The following TAOK3 variants were observed in gnomAD, a reference collection of about 807,000 sequenced individuals.
TAOK3 encodes the protein serine/threonine-protein kinase TAO3.
In TAOK3, 40 loss-of-function variants were observed where a neutral mutation model predicts 120.4. The observed-to-expected ratio is 0.33, with a 90% CI of 0.26 to 0.43. The LOEUF is 0.43. TAOK3 is among the 20% of genes least tolerant of loss of function. The pLI, the probability that TAOK3 is intolerant of heterozygous loss-of-function variation, is 1.00. For synonymous variants in TAOK3, 355 were observed against 387.5 expected (o/e 0.92, Z 0.99); for missense variants, 821 against 1,112.1 (o/e 0.74, Z 3.72).
At chr12:118,180,947 C>T (rs988433483) in intron 15 of TAOK3, among the ~76,000 whole-genome samples, 4 of 151,672 alleles carry the variant, frequency 2.6e-5, no homozygotes, top group African/African-American at 9.7e-5. Context: ...CAGGTTCAAG[C>T]AATTCTCCTG....
intron 1 of TAOK3, among the ~76,000 whole-genome samples, chr12:118,298,470 C>T (rs1464268788): frequency 6.6e-6 from 1 of 152,118 alleles, no homozygotes; most frequent in African/African-American, 2.4e-5. Flanking sequence ...TTGTCAAGAT[C>T]ACAAATAAAC....
chr12:118,243,297 A>T, intron 5 of TAOK3, 118 bp downstream of exon 5: 1 of 616,186 alleles, frequency 1.6e-6, no homozygotes, highest in Non-Finnish European at 2.8e-6. Context: ...AATACTGATA[A>T]CAAAAGTTAA....
At chr12:118,304,577 T>C (rs1406968998) in intron 1 of TAOK3, among the ~76,000 whole-genome samples, 1 of 152,206 alleles carries the variant, frequency 6.6e-6, no homozygotes, top group Non-Finnish European at 1.5e-5. Flanking sequence ...TTTGCATGGT[T>C]ACAATGTTCT....
intron 3 of TAOK3, among the ~76,000 whole-genome samples, chr12:118,249,136 C>T (rs960148305): frequency 1.3e-5 from 2 of 152,118 alleles, no homozygotes; most frequent in East Asian, 3.8e-4. Context: ...TCTCAATGGT[C>T]TCAGTAACTA....
chr12:118,194,968 C>T (rs1036670165), intron 13 of TAOK3, among the ~76,000 whole-genome samples: 18 of 152,082 alleles, frequency 1.2e-4, no homozygotes, highest in Non-Finnish European at 5.9e-5. Context: ...AGGCTCGTCT[C>T]GAACTCCTGA....
intron 1 of TAOK3, among the ~76,000 whole-genome samples, chr12:118,266,989 T>C (rs1056480408): frequency 6.6e-6 from 1 of 152,212 alleles, no homozygotes; most frequent in Non-Finnish European, 1.5e-5. Flanking sequence ...TTTAAGAATC[T>C]ATACTGAAGC....
intron 9 of TAOK3, among the ~76,000 whole-genome samples, chr12:118,230,960 C>T (rs1382819551): frequency 6.6e-6 from 1 of 152,060 alleles, no homozygotes; most frequent in Non-Finnish European, 1.5e-5. Flanking sequence ...TCCATCAATA[C>T]AAGACCAGTT....
chr12:118,161,841 C>G lies in TAOK3; in HGVS notation c.2086G>C (p.Glu696Gln). 6.2e-7 allele frequency: 1 copy of G among 1,614,190 alleles called. No homozygotes were observed. The highest frequency in any genetic ancestry group is 8.5e-7 in the Non-Finnish European group (1 of 1,180,044). The stretch of plus-strand genomic sequence containing the variant: ...TCCATGACATGCTTTCTGTGCAGTT[C>G]TCTTTCTCGCCTCTTATTGTACTCC... ...QLEYNKRRER[E>Q]LHRKHVMELR... The change falls in exon 18 of 21, where the codon GAA becomes CAA. Residue 696 changes from glutamate (E) to glutamine (Q), a missense_variant. Physicochemically the swap from Glu to Gln is conservative, Grantham distance 29. This residue lies in a region of TAOK3 where 354 missense variants were observed against 572.1 expected (regional missense o/e 0.62). Coordinates refer to ENST00000392533, the MANE Select transcript of TAOK3 (RefSeq NM_016281.4). This position sits in a 1 kb window ranked among gnomAD's most constrained non-coding sequence, Gnocchi z 4.5.
At chr12:118,217,523 TA>T (rs2038967092) in intron 9 of TAOK3, among the ~76,000 whole-genome samples, 1 of 151,394 alleles carries the variant, frequency 6.6e-6, no homozygotes, top group Admixed American at 6.6e-5. Flanking sequence ...CTGTCTCTAC[TA>T]AAAATACAAA....
rs2045909044 is a variant in TAOK3 at position 118,371,942 on chromosome 12, G to A, written c.-194+706C>T. Among the ~76,000 whole-genome samples, 1 of 145,322 alleles carries A rather than the reference G, an allele frequency of 6.9e-6. No individual in the cohort carries two copies. Among genetic ancestry groups the A allele is most frequent in the South Asian group, 2.3e-4 (1 of 4,444 alleles). Reference sequence around the variant, plus strand: ...TCTCGGGGTCACCCTGCTCCCACCCGCTGTCCCGGCCTCTCTCTAGGTGTC... The same window carrying A: ...TCTCGGGGTCACCCTGCTCCCACCCACTGTCCCGGCCTCTCTCTAGGTGTC... On this transcript the variant is annotated intron_variant, in intron 1 of 20. Coordinates refer to ENST00000392533, the MANE Select transcript of TAOK3 (RefSeq NM_016281.4). This position sits in a 1 kb window ranked among gnomAD's most constrained non-coding sequence, Gnocchi z 5.5.
At chr12:118,353,936 A>C (rs2045288335) in intron 1 of TAOK3, among the ~76,000 whole-genome samples, 1 of 152,174 alleles carries the variant, frequency 6.6e-6, no homozygotes, top group Non-Finnish European at 1.5e-5. Flanking sequence ...GTGTCCCCTA[A>C]ATTTCACATC....
Position 118,345,993 on chromosome 12 carries a change from A to G in TAOK3, c.-194+26655T>C, listed in dbSNP as rs938898267. Among the ~76,000 whole-genome samples the G allele has an allele frequency of 3.3e-5, 5 of 152,202 alleles. No homozygotes were observed. The South Asian group carries it at 1.0e-3, about 31-fold the overall frequency. ...GAAATAAAGCAGCATAGAAAACAAT[A>G]TATGTACTATAACTGTCCTAATTAC... On this transcript the variant is annotated intron_variant, in intron 1 of 20. Transcript: ENST00000392533.
In TAOK3 at chr12:118,199,063, G is replaced by T. The variant is rs143269480; in HGVS notation, c.1182C>A (p.Val394=). The T allele has an allele frequency of 1.2e-6, 2 of 1,614,118 alleles. No homozygotes were observed. The highest frequency in any genetic ancestry group is 2.2e-5 in the South Asian group (2 of 91,048). Reference sequence around the variant, plus strand: ...CCAAGAAACCTACTTTCTTATGCACGACGGAGGAGCTGGAATTGATTGTGC... The same window carrying T: ...CCAAGAAACCTACTTTCTTATGCACTACGGAGGAGCTGGAATTGATTGTGC... ...DESTINSSSS[V]VHKKDHVFIR... is the part of the protein sequence containing the mutation. Residue 394 remains valine, a synonymous_variant, in exon 13 of 21, where the codon GTC becomes GTA. Coordinates refer to ENST00000392533, the MANE Select transcript of TAOK3 (RefSeq NM_016281.4).
chr12:118,263,010 G>T (rs1026324474), intron 2 of TAOK3, among the ~76,000 whole-genome samples: 3 of 152,050 alleles, frequency 2.0e-5, no homozygotes, highest in Non-Finnish European at 4.4e-5. Flanking sequence ...ATTCATATGA[G>T]AATTCAAAGG....
At chr12:118,184,051 T>G (rs1254284025) in intron 14 of TAOK3, among the ~76,000 whole-genome samples, 1 of 152,174 alleles carries the variant, frequency 6.6e-6, no homozygotes, top group African/African-American at 2.4e-5. Flanking sequence ...TACAAGGTGA[T>G]CTGGTACAAG....
chr12:118,154,780 G>C (rs772729718), intron 19 of TAOK3, among the ~76,000 whole-genome samples: 8 of 152,032 alleles, frequency 5.3e-5, no homozygotes, highest in Non-Finnish European at 1.0e-4. Flanking sequence ...AAATATGTCT[G>C]ATCTTTACAG....
chr12:118,253,942 G>A (rs1178859292), intron 3 of TAOK3, among the ~76,000 whole-genome samples: 1 of 151,818 alleles, frequency 6.6e-6, no homozygotes, highest in Non-Finnish European at 1.5e-5. Flanking sequence ...CCAGCTATGT[G>A]GAAGGCTGAC....
At chr12:118,341,329 A>G (rs2044610933) in intron 1 of TAOK3, among the ~76,000 whole-genome samples, 1 of 152,070 alleles carries the variant, frequency 6.6e-6, no homozygotes. Flanking sequence ...TAAAAATTTA[A>G]CGATAATTTT....
chr12:118,282,741 A>C (rs987653801), intron 1 of TAOK3, among the ~76,000 whole-genome samples: 2 of 152,076 alleles, frequency 1.3e-5, no homozygotes, highest in African/African-American at 4.8e-5. Flanking sequence ...TATCATCTTC[A>C]CAACTGCCAC....
Sources: allele counts gnomAD v4.1 joint callset (sites outside exome capture counted in the v4.1 genomes callset), GRCh38; gene constraint gnomAD v4.1.1; regional missense constraint gnomAD v4.1.1; non-coding constraint Gnocchi (gnomAD v3.1); transcripts MANE v1.5; gene names NCBI Gene and HGNC (gene_info 2026-07-23, HGNC 2026-07-21).